The following TSHZ3 variants were observed in gnomAD, a reference collection of about 807,000 sequenced individuals.
The protein encoded by TSHZ3 is teashirt homolog 3.
Under a neutral mutation model 64.5 loss-of-function variants are expected in TSHZ3, and 10 were observed. That is an observed-to-expected ratio of 0.16 (90% confidence interval 0.10 to 0.26). TSHZ3 has a LOEUF of 0.26. Ranked by LOEUF, TSHZ3 falls within the 10% of genes least tolerant of loss-of-function variation. The pLI is 1.00. For missense variants in TSHZ3, 1,242 were observed against 1,421.7 expected, an observed-to-expected ratio of 0.87 and a Z score of 2.03; for synonymous variants, 608 against 593.1, an observed-to-expected ratio of 1.03 and a Z score of -0.36.
chr19:31,201,319 C>T (rs1027114454), intron 5 of TSHZ3, among the ~76,000 whole-genome samples: 2 of 152,040 alleles, frequency 1.3e-5, no homozygotes, highest in South Asian at 2.1e-4. Context: ...TCAATCTCTT[C>T]GTGTTGATTA....
intron 1 of TSHZ3, among the ~76,000 whole-genome samples, chr19:31,289,381 G>A (rs1976522319): frequency 1.3e-5 from 2 of 152,174 alleles, no homozygotes; most frequent in African/African-American, 4.8e-5. Context: ...GCCTTAAAAT[G>A]GGGGCTGCAG....
At chr19:31,255,826 C>T (rs947233152) in intron 1 of TSHZ3, among the ~76,000 whole-genome samples, 2 of 152,112 alleles carry the variant, frequency 1.3e-5, no homozygotes, top group Non-Finnish European at 2.9e-5. Flanking sequence ...ACCAGGTAAG[C>T]CCCCCCTTAC....
chr19:31,171,772 A>G (rs1974538026), intron 5 of TSHZ3, among the ~76,000 whole-genome samples: 1 of 152,160 alleles, frequency 6.6e-6, no homozygotes, highest in Non-Finnish European at 1.5e-5. Flanking sequence ...CATGTGCACC[A>G]GGACCAGAAT....
chr19:31,285,864 C>G (rs1366436998), intron 1 of TSHZ3, among the ~76,000 whole-genome samples: 3 of 149,342 alleles, frequency 2.0e-5, no homozygotes, highest in Admixed American at 1.3e-4. Context: ...CTCTATCCCT[C>G]TTTTCTCTTG....
At chr19:31,202,484 G>T (rs1312611632) in intron 5 of TSHZ3, among the ~76,000 whole-genome samples, 1 of 151,912 alleles carries the variant, frequency 6.6e-6, no homozygotes, top group African/African-American at 2.4e-5. Context: ...TATTTAAAAA[G>T]AGTTCTACTC....
intron 5 of TSHZ3, among the ~76,000 whole-genome samples, chr19:31,170,309 T>C (rs542149200): frequency 6.6e-6 from 1 of 152,216 alleles, no homozygotes; most frequent in East Asian, 1.9e-4. Context: ...AGAGCTCTGG[T>C]AGTCTCTTCC....
rs994989721 is a variant in TSHZ3 at position 31,216,700 on chromosome 19, G to A, written n.686+11305C>T. 5.3e-5 allele frequency among the ~76,000 whole-genome samples: 8 copies of A among 152,092 alleles called. No homozygotes were observed. In the East Asian group the frequency reaches 1.4e-3, roughly 26 times the overall value. On this transcript the variant is annotated intron_variant and non_coding_transcript_variant, in intron 4 of 6. Transcript: ENST00000651361. ...CACCCAGGCTGGAGTGCAGTGGTGC[G>A]ATCTCGGCTCACTGCAAGCTCTGCC...
intron 1 of TSHZ3, among the ~76,000 whole-genome samples, chr19:31,303,385 T>C (rs1018003597): frequency 1.3e-5 from 2 of 152,224 alleles, no homozygotes; most frequent in Admixed American, 1.3e-4. Context: ...GCCTCTGAGA[T>C]GGCATAGACC....
At chr19:31,305,671 G>T (rs1916271626) in intron 1 of TSHZ3, 1 of 152,168 alleles carries the variant, frequency 6.6e-6, no homozygotes, top group Non-Finnish European at 1.5e-5. Flanking sequence ...CTAGAGCATG[G>T]TGATAAAGAG....
chr19:31,206,310 T>G (rs1384321695), intron 4 of TSHZ3, among the ~76,000 whole-genome samples: 2 of 151,526 alleles, frequency 1.3e-5, no homozygotes, highest in Admixed American at 1.3e-4. Flanking sequence ...GATGGGTGGG[T>G]GGATGGATGG....
chr19:31,201,074 C>T (rs1027083385), intron 5 of TSHZ3, among the ~76,000 whole-genome samples: 3 of 152,020 alleles, frequency 2.0e-5, no homozygotes, highest in Non-Finnish European at 4.4e-5. Context: ...GTGACAGTGT[C>T]GTGATAGGTG....
chr19:31,344,556 G>A (rs1917527705), intron 1 of TSHZ3, among the ~76,000 whole-genome samples: 2 of 152,192 alleles, frequency 1.3e-5, no homozygotes, highest in Non-Finnish European at 2.9e-5. Context: ...CCAGGACCGG[G>A]CACTTCCTAA....
At chr19:31,226,977 CTTTT>C (rs3030229) in intron 4 of TSHZ3, among the ~76,000 whole-genome samples, 1 of 65,684 alleles carries the variant, frequency 1.5e-5, no homozygotes, top group African/African-American at 9.7e-5. Context: ...TTCTTTCTTT[CTTTT>C]TTTTTTTTTT....
At chr19:31,340,183 G>A (rs1457237261) in intron 1 of TSHZ3, among the ~76,000 whole-genome samples, 1 of 151,758 alleles carries the variant, frequency 6.6e-6, no homozygotes, top group Non-Finnish European at 1.5e-5. Flanking sequence ...GAACCCAATG[G>A]CAAAGAAAAG....
chr19:31,297,128 C>T (rs558122495), intron 1 of TSHZ3, among the ~76,000 whole-genome samples: 48 of 152,294 alleles, frequency 3.2e-4, no homozygotes, highest in African/African-American at 1.2e-3. Flanking sequence ...TGGGAATCAG[C>T]GGGTTTCAGG....
chr19:31,180,129 A>C (rs1410622787), intron 5 of TSHZ3, among the ~76,000 whole-genome samples: 1 of 152,106 alleles, frequency 6.6e-6, no homozygotes, highest in East Asian at 1.9e-4. Flanking sequence ...GAGCTCCTCT[A>C]GGTAAGTTTA....
intron 5 of TSHZ3, among the ~76,000 whole-genome samples, chr19:31,192,596 T>C (rs1054591824): frequency 2.6e-5 from 4 of 152,236 alleles, no homozygotes; most frequent in Non-Finnish European, 2.9e-5. Flanking sequence ...TCTGTTAGTA[T>C]TGTAGTATAT....
At chr19:31,309,983 A>G (rs939308066) in intron 1 of TSHZ3, among the ~76,000 whole-genome samples, 2 of 152,174 alleles carry the variant, frequency 1.3e-5, no homozygotes, top group Non-Finnish European at 2.9e-5. Flanking sequence ...CAGGTGCTTA[A>G]TAAACATCTG....
rs940765680 is a variant in TSHZ3, at chr19:31,304,735, A to T, written c.41-24983T>A. Among the ~76,000 whole-genome samples, 252 of 152,330 alleles carry T rather than the reference A, an allele frequency of 1.7e-3. 1 individual carries two copies. The South Asian group carries it at 0.039, about 24-fold the overall frequency. ...TAGACTTTGACAAAAACTATAGCAC[A>T]ACTGTTTCTAAGGTAGTTTGTAAAA... On this transcript the variant is annotated intron_variant, in intron 1 of 1. Transcript: ENST00000240587.
Sources: gnomAD v4.1 joint callset for allele counts (sites outside exome capture counted in the v4.1 genomes callset) on GRCh38, gnomAD v4.1.1 for gene constraint, MANE v1.5 for transcripts, NCBI Gene and HGNC (gene_info 2026-07-23, HGNC 2026-07-21) for gene names.